The following JCAD variants were observed in gnomAD, a reference collection of about 807,000 sequenced individuals.
JCAD encodes junctional cadherin 5 associated, also known as junctional cadherin 5-associated protein.
A neutral mutation model predicts 98.0 loss-of-function variants in JCAD; 40 were observed. The ratio of observed to expected loss-of-function variants is 0.41; its 90% confidence interval spans 0.32 to 0.53. JCAD has a LOEUF of 0.53. JCAD is among the 20% of genes least tolerant of loss of function. The pLI is 0.31. For missense variants in JCAD, 1,705 were observed against 1,738.1 expected (o/e 0.98, Z 0.34); for synonymous variants, 691 against 682.3 (o/e 1.01, Z -0.20).
intron 1 of JCAD, among the ~76,000 whole-genome samples, chr10:30,076,507 A>T (rs1589707678): frequency 6.6e-6 from 1 of 152,062 alleles, no homozygotes; most frequent in African/African-American, 2.4e-5. Context: ...TTGAACTAGG[A>T]TTATCCCTCA....
At chr10:30,063,596 T>C (rs1016537045), upstream of JCAD, among the ~76,000 whole-genome samples, 27 of 152,156 alleles carry the variant, frequency 1.8e-4, no homozygotes, top group Admixed American at 1.8e-3. Context: ...TTTTAAAAGA[T>C]TAACGCTCTT....
chr10:30,091,714 A>ATTTTTTT (rs11307523), intron 1 of JCAD, among the ~76,000 whole-genome samples: 1 of 81,752 alleles, frequency 1.2e-5, no homozygotes, highest in African/African-American at 4.9e-5. Context: ...AAGTTTTTAA[A>ATTTTTTT]TTTTTTTTTT....
intron 2 of JCAD, among the ~76,000 whole-genome samples, chr10:30,040,822 G>T (rs941599431): frequency 6.6e-6 from 1 of 152,098 alleles, no homozygotes; most frequent in Non-Finnish European, 1.5e-5. Flanking sequence ...AGGCAAAGCG[G>T]CTGGACCAGA....
chr10:30,045,765 T>C (rs779588201), intron 2 of JCAD, among the ~76,000 whole-genome samples: 14 of 152,214 alleles, frequency 9.2e-5, no homozygotes, highest in Non-Finnish European at 1.8e-4. Flanking sequence ...TTCTTCATTG[T>C]GATTTTCCCC....
chr10:30,080,347 C>T (rs971910596), intron 1 of JCAD, among the ~76,000 whole-genome samples: 3 of 152,128 alleles, frequency 2.0e-5, no homozygotes, highest in Non-Finnish European at 2.9e-5. Flanking sequence ...CAACTTCTAT[C>T]CCACCCTTCT....
rs1836830768 is a variant in JCAD, at chr10:30,027,029, T to C, written c.3119A>G (p.Asn1040Ser). The change falls in exon 3 of 4, where the codon AAC (asparagine) becomes AGC (serine). Residue 1040 changes from asparagine (N) to serine (S), a missense_variant. Coordinates refer to ENST00000375377, the MANE Select transcript of JCAD (RefSeq NM_020848.4). Reference sequence around the variant, plus strand: ...TAAGTCTGGAGCTGAGAGCCCTCGGTTCTTGTTAGACAGGGACAGTGGGAG... The same window carrying C: ...TAAGTCTGGAGCTGAGAGCCCTCGGCTCTTGTTAGACAGGGACAGTGGGAG... ...AGLPLSLSNK[N>S]RGLSAPDLRS... The C allele has an allele frequency of 6.2e-7, 1 of 1,614,076 alleles. No homozygotes were observed. Among genetic ancestry groups the C allele is most frequent in the Admixed American group, 1.7e-5 (1 of 60,010 alleles).
chr10:30,020,001 A>G (rs1336095363), intron 3 of JCAD, among the ~76,000 whole-genome samples: 1 of 152,000 alleles, frequency 6.6e-6, no homozygotes. Context: ...AAAAAAAAAA[A>G]AAAGGAAATC....
chr10:30,016,402 G>GAAAGGAAGGA lies in JCAD; in HGVS notation c.*1480_*1481insTCCTTCCTTT, dbSNP rs1836535562. ...GACAGAAGGAAGGAAGAAAGGAAGGGAGGGAGGGAGGGAGGGAGGGGAAAT... is the reference window on the plus strand; with the variant it reads ...GACAGAAGGAAGGAAGAAAGGAAGGGAAAGGAAGGAAGGGAGGGAGGGAGGGAGGGGAAAT... On this transcript the variant is annotated 3_prime_UTR_variant, in exon 4 of 4. Coordinates refer to ENST00000375377, the MANE Select transcript of JCAD (RefSeq NM_020848.4). The GAAAGGAAGGA allele has an allele frequency of 1.3e-5, 1 of 79,806 alleles. No homozygotes were observed. Among genetic ancestry groups the GAAAGGAAGGA allele is most frequent in the Non-Finnish European group, 2.3e-5 (1 of 42,958 alleles). 4.9% of individuals were successfully genotyped at this position (79,806 alleles called of 1,614,324 possible). A position where few individuals can be genotyped will look rare whatever the true frequency, so the allele number is the denominator to read the frequency against.
chr10:30,028,539 T>C lies in JCAD; in HGVS notation c.1609A>G (p.Thr537Ala), dbSNP rs765120553. 1 of 1,614,128 alleles carries C rather than the reference T, an allele frequency of 6.2e-7. No individual in the cohort carries two copies. The highest frequency in any genetic ancestry group is 1.3e-5 in the African/African-American group (1 of 74,944). ...PDVRGSQHGH[T>A]GRQVSSPYSQ... The stretch of plus-strand genomic sequence containing the variant: ...TAAGGGGAGGAAACTTGTCTTCCAG[T>C]GTGCCCGTGCTGGCTGCCTCTCACA... The change falls in exon 3 of 4, where the codon ACT (threonine) becomes GCT (alanine). Residue 537 changes from threonine to alanine, a missense_variant. Physicochemically the swap from Thr to Ala is moderately conservative, Grantham distance 58. Coordinates refer to ENST00000375377, the MANE Select transcript of JCAD (RefSeq NM_020848.4).
At chr10:30,104,299 A>G (rs182423755) in intron 1 of JCAD, among the ~76,000 whole-genome samples, 11 of 152,228 alleles carry the variant, frequency 7.2e-5, no homozygotes, top group Admixed American at 7.2e-4. Context: ...ACTTTATTAG[A>G]GCTGTGGTTT....
chr10:30,069,178 A>G (rs902345310), intron 2 of JCAD, among the ~76,000 whole-genome samples: 1 of 152,172 alleles, frequency 6.6e-6, no homozygotes, highest in African/African-American at 2.4e-5. Flanking sequence ...GAATTTTTGA[A>G]TACCTCTGAA....
chr10:30,079,346 CAAAAAAA>C (rs373809311), intron 1 of JCAD, among the ~76,000 whole-genome samples: 2 of 64,672 alleles, frequency 3.1e-5, no homozygotes, highest in East Asian at 8.6e-4. Flanking sequence ...GACTCCATCT[CAAAAAAA>C]AAAAAAAAAA....
intron 2 of JCAD, among the ~76,000 whole-genome samples, chr10:30,066,974 G>A (rs1230411278): frequency 6.6e-6 from 1 of 152,048 alleles, no homozygotes; most frequent in Non-Finnish European, 1.5e-5. Flanking sequence ...TCCAGCCTGG[G>A]CAACAGAGTG....
intron 2 of JCAD, among the ~76,000 whole-genome samples, chr10:30,034,333 G>A (rs994013556): frequency 6.6e-6 from 1 of 152,030 alleles, no homozygotes; most frequent in Non-Finnish European, 1.5e-5. Flanking sequence ...GTTATGGGCT[G>A]GAAAACCAGA....
intron 1 of JCAD, among the ~76,000 whole-genome samples, chr10:30,073,926 C>T (rs369339028): frequency 2.6e-4 from 39 of 152,140 alleles, no homozygotes; most frequent in East Asian, 1.2e-3. Context: ...CACAAGACTG[C>T]GAGATAACAC....
intron 1 of JCAD, among the ~76,000 whole-genome samples, chr10:30,098,684 T>C (rs1367874346): frequency 6.6e-6 from 1 of 152,232 alleles, no homozygotes; most frequent in African/African-American, 2.4e-5. Flanking sequence ...CCTAACACTT[T>C]CACATCTTCC....
At chr10:30,086,164 A>T (rs958532047) in intron 1 of JCAD, among the ~76,000 whole-genome samples, 1 of 152,122 alleles carries the variant, frequency 6.6e-6, no homozygotes, top group African/African-American at 2.4e-5. Flanking sequence ...GGATTTTCCT[A>T]AAAAAAGGAA....
chr10:30,054,185 GA>G (rs1837523407), intron 1 of JCAD, among the ~76,000 whole-genome samples: 1 of 152,096 alleles, frequency 6.6e-6, no homozygotes, highest in Non-Finnish European at 1.5e-5. Context: ...ATAAAGACAG[GA>G]TACAGAACCC....
chr10:30,053,559 C>CAAAA (rs374863516), intron 1 of JCAD, among the ~76,000 whole-genome samples: 4 of 126,780 alleles, frequency 3.2e-5, no homozygotes, highest in East Asian at 2.2e-4. Context: ...TACTCTGTCT[C>CAAAA]AAAAAAAAAA....
Sources: gnomAD v4.1 joint callset for allele counts (sites outside exome capture counted in the v4.1 genomes callset) on GRCh38, gnomAD v4.1.1 for gene constraint, MANE v1.5 for transcripts, NCBI Gene and HGNC (gene_info 2026-07-23, HGNC 2026-07-21) for gene names.